Variants in OTOA observed in about 807,000 individuals in gnomAD.
OTOA encodes otoancorin, also known as cancer/testis antigen 108.
In OTOA, 70 loss-of-function variants were observed where a neutral mutation model predicts 110.8. The ratio of observed to expected loss-of-function variants is 0.63; its 90% CI spans 0.52 to 0.77. The LOEUF (loss-of-function observed/expected upper bound fraction) is 0.77, where lower values mean the gene tolerates loss of function less well. Among genes scored for constraint, OTOA ranks in the 30% least tolerant of loss-of-function variants. The probability of loss-of-function intolerance (pLI) is 0.00; values close to 1 mark genes in which losing one functional copy is unlikely to be tolerated. For synonymous variants in OTOA, 373 were observed against 431.5 expected (o/e 0.86, Z 1.68); for missense variants, 917 against 1,075.8 (o/e 0.85, Z 2.06).
chr16:21,685,434 G>A, intron 7 of OTOA, 73 bp downstream of exon 7: 3 of 1,586,244 alleles, frequency 1.9e-6, no homozygotes, highest in Non-Finnish European at 1.7e-6. Flanking sequence ...TGAATAAATG[G>A]AGCCTGACTT....
intron 9 of OTOA, among the ~76,000 whole-genome samples, chr16:21,692,982 C>T (rs117041246): frequency 0.024 from 3,484 of 146,084 alleles, 77 homozygotes; most frequent in Middle Eastern, 0.051. Context: ...GGGCCAAGTG[C>T]GGTGGCTTAC....
At chr16:21,689,464 G>T (rs943401344) in intron 8 of OTOA, among the ~76,000 whole-genome samples, 2 of 152,036 alleles carry the variant, frequency 1.3e-5, no homozygotes, top group African/African-American at 4.8e-5. Flanking sequence ...GAGTTTATTG[G>T]TTACTGCTCA....
rs1013579756 is a variant in OTOA at position 21,714,929 on chromosome 16, G to A, written c.1321-56G>A. 91 of 1,610,468 alleles carry A rather than the reference G, an allele frequency of 5.7e-5. No homozygotes were observed. In the African/African-American group the frequency reaches 6.0e-4, roughly 11 times the overall value. The stretch of plus-strand genomic sequence containing the variant: ...TGGCACATAGATGGGCTGAGTGCAC[G>A]TTGGAGAGGTGAAAGGCGGGAGCAG... On this transcript the variant is annotated intron_variant, in intron 13 of 28. Coordinates refer to ENST00000646100, the MANE Select transcript of OTOA (RefSeq NM_144672.4).
In OTOA at chr16:21,685,295, GA is replaced by G. The variant is rs1897691775; in HGVS notation, c.335del (p.Lys112ArgfsTer11). ...QPQKLLEDLR[K>X]TDAQQFRTAM... ...CCCAGAAGCTGCTGGAGGACCTGAG[GA>G]AGACAGACGCCCAGCAGTTCCGCAC... is the stretch of plus-strand genomic sequence containing the variant. On this transcript the variant is annotated frameshift_variant, in exon 7 of 29. Coordinates refer to ENST00000646100, the MANE Select transcript of OTOA (RefSeq NM_144672.4). LOFTEE classifies it high-confidence loss of function. 7 of 1,613,122 alleles carry G rather than the reference GA, an allele frequency of 4.3e-6. No homozygotes were observed. In the South Asian group the frequency reaches 7.7e-5, roughly 18 times the overall value.
intron 8 of OTOA, among the ~76,000 whole-genome samples, chr16:21,687,855 A>AGTTTGTACAGACGTG (rs1897750995): frequency 2.6e-5 from 4 of 151,614 alleles, no homozygotes; most frequent in Admixed American, 2.6e-4. Context: ...GTACAGATGG[A>AGTTTGTACAGACGTG]GTTTCACCAT....
chr16:21,712,507 T>G (rs1398519659), intron 13 of OTOA, among the ~76,000 whole-genome samples: 2 of 151,866 alleles, frequency 1.3e-5, no homozygotes, highest in African/African-American at 2.4e-5. Flanking sequence ...GGCCCCATTT[T>G]GCTTGTTCTA....
At chr16:21,664,861 A>G (rs920518309) in intron 1 of OTOA, among the ~76,000 whole-genome samples, 2 of 151,406 alleles carry the variant, frequency 1.3e-5, no homozygotes, top group Admixed American at 6.6e-5. Context: ...AATCTCAGCT[A>G]CTCCGGAGGC....
intron 27 of OTOA, among the ~76,000 whole-genome samples, chr16:21,756,697 T>C (rs1477085691): frequency 1.3e-5 from 2 of 152,046 alleles, no homozygotes; most frequent in African/African-American, 4.8e-5. Context: ...AGTGTCAATT[T>C]AACCCTGTAT....
intron 8 of OTOA, among the ~76,000 whole-genome samples, chr16:21,689,744 G>A (rs1328767522): frequency 6.6e-6 from 1 of 151,614 alleles, no homozygotes; most frequent in Non-Finnish European, 1.5e-5. Context: ...GGAGTGCAAT[G>A]GCCCCATCTC....
intron 13 of OTOA, among the ~76,000 whole-genome samples, chr16:21,714,284 T>A (rs1289067112): frequency 1.0e-4 from 14 of 133,672 alleles, no homozygotes; most frequent in Non-Finnish European, 1.8e-4. Flanking sequence ...TCCTCCTTCC[T>A]TTCTTTCTTT....
intron 17 of OTOA, 96 bp downstream of exon 17, chr16:21,719,600 ATC>A: frequency 8.5e-7 from 1 of 1,175,346 alleles, no homozygotes; most frequent in Non-Finnish European, 1.3e-6. Context: ...TTATGCCAGA[ATC>A]ATTCAGACGC....
intron 5 of OTOA, among the ~76,000 whole-genome samples, chr16:21,681,081 A>G (rs1002525275): frequency 1.3e-5 from 2 of 150,850 alleles, no homozygotes; most frequent in African/African-American, 2.4e-5. Context: ...ACTCCTAACT[A>G]TGCTATTCCA....
chr16:21,710,189 T>C, intron 13 of OTOA, 86 bp downstream of exon 13: 2 of 1,282,760 alleles, frequency 1.6e-6, no homozygotes, highest in South Asian at 2.6e-5. Flanking sequence ...AAATATACTG[T>C]AGATTGAGTG....
intron 21 of OTOA, 27 bp from the exon 22 acceptor site, chr16:21,736,234 C>T (rs750602384): frequency 1.3e-6 from 2 of 1,583,024 alleles, no homozygotes; most frequent in Non-Finnish European, 1.7e-6. Context: ...AATTATTATT[C>T]CTCTTCTTTC....
chr16:21,705,062 T>C, intron 11 of OTOA, 107 bp from the exon 12 acceptor site: 2 of 1,564,022 alleles, frequency 1.3e-6, no homozygotes, highest in South Asian at 2.2e-5. Context: ...AACCTGGGAG[T>C]CCGTGGCAAC....
chr16:21,758,356 CAT>C (rs200427927), intron 28 of OTOA, among the ~76,000 whole-genome samples: 5,204 of 149,486 alleles, frequency 0.035, 136 homozygotes, highest in Non-Finnish European at 0.051. Flanking sequence ...CCCTGGTGAA[CAT>C]GAGGCAGGTG....
chr16:21,727,398 A>C (rs1194519252), intron 19 of OTOA, among the ~76,000 whole-genome samples: 1 of 152,196 alleles, frequency 6.6e-6, no homozygotes, highest in Non-Finnish European at 1.5e-5. Flanking sequence ...CTGGGTGTGA[A>C]TCCTAGCCTT....
chr16:21,703,785 A>G (rs945869167), intron 11 of OTOA, among the ~76,000 whole-genome samples: 2 of 152,160 alleles, frequency 1.3e-5, no homozygotes, highest in Non-Finnish European at 2.9e-5. Flanking sequence ...TCTTCATTCT[A>G]ACTCTAAGAG....
intron 21 of OTOA, among the ~76,000 whole-genome samples, chr16:21,735,046 CACGAGAATT>C (rs907778284): frequency 6.7e-6 from 1 of 149,786 alleles, no homozygotes; most frequent in African/African-American, 2.5e-5. Context: ...GAGGCTCAGG[CACGAGAATT>C]ACTTGAGCCT....
Sources: allele counts gnomAD v4.1 joint callset (sites outside exome capture counted in the v4.1 genomes callset), GRCh38; gene constraint gnomAD v4.1.1; transcripts MANE v1.5; gene names NCBI Gene and HGNC (gene_info 2026-07-23, HGNC 2026-07-21).